Variants in RALGAPA2 observed in about 807,000 individuals in gnomAD.
RALGAPA2 encodes Ral GTPase activating protein catalytic subunit alpha 2.
A neutral mutation model predicts 230.4 loss-of-function variants in RALGAPA2; 139 were observed. The observed-to-expected ratio is 0.60, with a 90% CI of 0.53 to 0.69. The LOEUF (loss-of-function observed/expected upper bound fraction) is 0.69. RALGAPA2 is among the 30% of genes least tolerant of loss of function. The probability of loss-of-function intolerance (pLI) is 0.00; values close to 1 mark genes in which losing one functional copy is unlikely to be tolerated. For missense variants in RALGAPA2, 2,163 were observed against 2,276.0 expected (o/e 0.95, Z 1.01); for synonymous variants, 847 against 837.8 (o/e 1.01, Z -0.19).
In RALGAPA2 at chr20:20,436,531, G is replaced by A. The variant is rs73122471; in HGVS notation, c.5496-24383C>T. Among the ~76,000 whole-genome samples, 372 of 152,240 alleles carry A rather than the reference G, an allele frequency of 2.4e-3. 1 individual carries two copies. Among genetic ancestry groups the A allele is most frequent in the Non-Finnish European group, 4.2e-3 (287 of 68,020 alleles). ...CGTCACGGCAATACATGAGTAAGACGGCAAAGTGTCCCTGCCATCAGCCGG... is the reference window on the plus strand; with the variant it reads ...CGTCACGGCAATACATGAGTAAGACAGCAAAGTGTCCCTGCCATCAGCCGG... On this transcript the variant is annotated intron_variant, in intron 37 of 39. Transcript: ENST00000202677.
intron 37 of RALGAPA2, among the ~76,000 whole-genome samples, chr20:20,464,256 T>G (rs887716566): frequency 1.3e-5 from 2 of 152,234 alleles, no homozygotes; most frequent in African/African-American, 4.8e-5. Flanking sequence ...AACAAGTGAC[T>G]TCAGCTGTCA....
At chr20:20,689,598 C>T (rs1384748652) in intron 1 of RALGAPA2, among the ~76,000 whole-genome samples, 1 of 152,134 alleles carries the variant, frequency 6.6e-6, no homozygotes, top group Admixed American at 6.5e-5. Context: ...GCCGAGATCG[C>T]GCCACTGCAC....
At chr20:20,641,292 A>G (rs780085118) in intron 5 of RALGAPA2, among the ~76,000 whole-genome samples, 3 of 152,232 alleles carry the variant, frequency 2.0e-5, no homozygotes, top group Non-Finnish European at 4.4e-5. Context: ...TGTTAATAGT[A>G]TCTTATTCTG....
chr20:20,683,854 A>T (rs975346635), intron 1 of RALGAPA2, among the ~76,000 whole-genome samples: 2 of 152,174 alleles, frequency 1.3e-5, no homozygotes, highest in Admixed American at 6.5e-5. Context: ...ATATAAGATA[A>T]TATCTGACAG....
intron 37 of RALGAPA2, among the ~76,000 whole-genome samples, chr20:20,461,993 T>C (rs2061313626): frequency 6.6e-6 from 1 of 152,186 alleles, no homozygotes; most frequent in South Asian, 2.1e-4. Flanking sequence ...AGCTTTGTGC[T>C]GGAGAGTTTA....
intron 23 of RALGAPA2, among the ~76,000 whole-genome samples, chr20:20,566,329 C>T (rs1191154919): frequency 6.6e-6 from 1 of 152,140 alleles, no homozygotes; most frequent in Non-Finnish European, 1.5e-5. Context: ...TAGCCATGGA[C>T]ACAAAAGAAG....
At chr20:20,417,141 C>T (rs1357852399) in intron 37 of RALGAPA2, among the ~76,000 whole-genome samples, 2 of 152,188 alleles carry the variant, frequency 1.3e-5, no homozygotes, top group East Asian at 1.9e-4. Context: ...CTGGCGCCCC[C>T]GAGTTCTGCT....
At chr20:20,617,470 T>G (rs554170046) in intron 12 of RALGAPA2, among the ~76,000 whole-genome samples, 1 of 152,308 alleles carries the variant, frequency 6.6e-6, no homozygotes, top group South Asian at 2.1e-4. Flanking sequence ...TTACAGCAAT[T>G]TTAGTGGTTC....
intron 25 of RALGAPA2, 112 bp from the exon 26 acceptor site, chr20:20,535,915 A>T: frequency 7.0e-7 from 1 of 1,420,814 alleles, no homozygotes; most frequent in Non-Finnish European, 9.3e-7. Context: ...CAGGGAGCTC[A>T]GAGAGCTCAT....
At chr20:20,572,256 T>C (rs893719287) in intron 21 of RALGAPA2, among the ~76,000 whole-genome samples, 7 of 151,912 alleles carry the variant, frequency 4.6e-5, no homozygotes, top group African/African-American at 1.5e-4. Flanking sequence ...ACATGAACCA[T>C]GTTTTTGAAA....
intron 19 of RALGAPA2, 103 bp from the exon 20 acceptor site, chr20:20,583,329 A>T: frequency 8.0e-7 from 1 of 1,249,068 alleles, no homozygotes; most frequent in Non-Finnish European, 1.1e-6. Context: ...CAGACACAGT[A>T]GGAATCATTC....
chr20:20,484,569 T>C (rs542027512), intron 36 of RALGAPA2, among the ~76,000 whole-genome samples: 38 of 152,270 alleles, frequency 2.5e-4, no homozygotes, highest in Admixed American at 2.3e-3. Flanking sequence ...TAGGGAACAA[T>C]AGGGCATCTC....
At position 20,439,433 on chromosome 20, in the gene RALGAPA2, G is replaced by A. The variant is rs191178686; in HGVS notation, c.5496-27285C>T. 2.0e-3 allele frequency among the ~76,000 whole-genome samples: 297 copies of A among 152,146 alleles called. 5 individuals carry two copies. The highest frequency in any genetic ancestry group is 4.9e-4 in the Non-Finnish European group (33 of 68,012). On this transcript the variant is annotated intron_variant, in intron 37 of 39. Coordinates refer to ENST00000202677, the MANE Select transcript of RALGAPA2 (RefSeq NM_020343.4). ...TCATCATGTTGCCCAGGCTGGTCTC[G>A]AACTCCAGAGCTTAAGCGATCCACT...
At chr20:20,511,078 T>C (rs1414913676) in intron 33 of RALGAPA2, among the ~76,000 whole-genome samples, 176 bp downstream of exon 33, 1 of 152,184 alleles carries the variant, frequency 6.6e-6, no homozygotes, top group Non-Finnish European at 1.5e-5. Context: ...CATGAAAGTT[T>C]ATTCCTTATA....
chr20:20,495,133 A>G lies in RALGAPA2; in HGVS notation c.5351T>C (p.Ile1784Thr), dbSNP rs1250403816. 1 of 1,606,416 alleles carries G rather than the reference A, an allele frequency of 6.2e-7. No homozygotes were observed. The highest frequency in any genetic ancestry group is 1.7e-5 in the Admixed American group (1 of 59,858). ...PMKNHMFFIA[I>T]TKKPEVPFFG... ...AAAACGTACCTCAGGTTTCTTCGTT[A>G]TCGCGATGAAGAACATGTGATTCTT... Residue 1784 changes from isoleucine to threonine, a missense_variant, in exon 36 of 40, where the codon ATA becomes ACA. Physicochemically the swap from Ile to Thr is moderately conservative, Grantham distance 89. Transcript: ENST00000202677.
At chr20:20,560,702 C>T (rs964849608) in intron 23 of RALGAPA2, among the ~76,000 whole-genome samples, 45 of 152,192 alleles carry the variant, frequency 3.0e-4, no homozygotes, top group African/African-American at 1.0e-3. Context: ...TTAATGTATC[C>T]TCCTTCCCCA....
chr20:20,408,210 AC>A (rs1421606888), intron 38 of RALGAPA2, among the ~76,000 whole-genome samples: 3 of 152,246 alleles, frequency 2.0e-5, no homozygotes, highest in Non-Finnish European at 2.9e-5. Flanking sequence ...TTGGTTTTGA[AC>A]ATTCTTTGAG....
intron 16 of RALGAPA2, 78 bp from the exon 17 acceptor site, chr20:20,591,392 T>C: frequency 7.0e-7 from 1 of 1,438,272 alleles, no homozygotes; most frequent in Non-Finnish European, 9.4e-7. Context: ...ACAACCGATT[T>C]AAAAAATAAA....
At chr20:20,505,190 G>A in intron 34 of RALGAPA2, 8 of 982,380 alleles carry the variant, frequency 8.1e-6, no homozygotes, top group Non-Finnish European at 9.7e-6. Flanking sequence ...AAAAGCAAAT[G>A]AAAAAATATT....
Sources: gnomAD v4.1 joint callset for allele counts (sites outside exome capture counted in the v4.1 genomes callset) on GRCh38, gnomAD v4.1.1 for gene constraint, MANE v1.5 for transcripts, NCBI Gene and HGNC (gene_info 2026-07-23, HGNC 2026-07-21) for gene names.